DCAF5: variants seen among roughly 807,000 people sequenced by gnomAD.
The protein encoded by DCAF5 is DDB1 and CUL4 associated factor 5.
In DCAF5, 9 loss-of-function variants were observed where a neutral mutation model predicts 80.7. The observed-to-expected ratio is 0.11, with a 90% CI of 0.07 to 0.19. The LOEUF is 0.19. DCAF5 is among the 10% of genes least tolerant of loss of function. The pLI is 1.00. For missense variants in DCAF5, 842 were observed against 1,205.7 expected, an observed-to-expected ratio of 0.70 and a Z score of 4.47; for synonymous variants, 433 against 461.9, an observed-to-expected ratio of 0.94 and a Z score of 0.80.
At chr14:69,106,377 T>G (rs1402127490) in intron 5 of DCAF5, among the ~76,000 whole-genome samples, 1 of 151,452 alleles carries the variant, frequency 6.6e-6, no homozygotes, top group Non-Finnish European at 1.5e-5. Flanking sequence ...TAAATTTTTA[T>G]TTATTTTTAG....
In DCAF5 at chr14:69,137,256, G is replaced by A. The variant is rs145620983; in HGVS notation, c.215-14896C>T. Among the ~76,000 whole-genome samples the A allele has an allele frequency of 7.9e-3, 1,206 of 152,164 alleles. 13 individuals are homozygous for A. Among genetic ancestry groups the A allele is most frequent in the African/African-American group, 0.027 (1,114 of 41,522 alleles). ...GGGGGACACTAAAAACGGGTTCTTA[G>A]GCCCTCAAAACCAGTAAGGAAAGTT... On this transcript the variant is annotated intron_variant, in intron 1 of 8. Coordinates refer to ENST00000341516, the MANE Select transcript of DCAF5 (RefSeq NM_003861.3).
chr14:69,119,146 A>T, intron 3 of DCAF5, 48 bp downstream of exon 3: 1 of 1,593,214 alleles, frequency 6.3e-7, no homozygotes, highest in Non-Finnish European at 8.5e-7. Context: ...GCCTCTTCAT[A>T]TATGAAAAAC....
intron 1 of DCAF5, among the ~76,000 whole-genome samples, chr14:69,125,067 T>G (rs2040834192): frequency 6.6e-6 from 1 of 151,990 alleles, no homozygotes; most frequent in Non-Finnish European, 1.5e-5. Flanking sequence ...TACAAAAGAG[T>G]AATATGCCAA....
At chr14:69,102,307 C>T (rs1411390032) in intron 5 of DCAF5, among the ~76,000 whole-genome samples, 1 of 151,762 alleles carries the variant, frequency 6.6e-6, no homozygotes, top group Non-Finnish European at 1.5e-5. Context: ...TAGGGTTTCA[C>T]CATGTTGGCC....
At chr14:69,150,517 T>C (rs1238495435) in intron 1 of DCAF5, among the ~76,000 whole-genome samples, 1 of 152,104 alleles carries the variant, frequency 6.6e-6, no homozygotes, top group Non-Finnish European at 1.5e-5. Flanking sequence ...TAAAGAACAT[T>C]TCGTGCTTTT....
intron 5 of DCAF5, among the ~76,000 whole-genome samples, chr14:69,106,357 A>G (rs2140021944): frequency 6.6e-6 from 1 of 151,352 alleles, no homozygotes; most frequent in African/African-American, 2.4e-5. Context: ...TGCCCACCTT[A>G]ACTGTTTTTT....
chr14:69,055,260 A>T lies in DCAF5; in HGVS notation c.1426T>A (p.Ser476Thr). The change falls in exon 9 of 9, where the codon TCT becomes ACT. Residue 476 changes from serine to threonine, a missense_variant. Physicochemically the swap from Ser to Thr is moderately conservative, Grantham distance 58 (BLOSUM62 1). Around this residue, in one of 5 missense-constraint regions of DCAF5, gnomAD observed 607 missense variants for 656.6 expected, o/e 0.92. Coordinates refer to ENST00000341516, the MANE Select transcript of DCAF5 (RefSeq NM_003861.3). The surrounding 1 kb of genome is among the most constrained non-coding windows in gnomAD (Gnocchi z 5.6). ...PRSPPPTVDESADNAFHLGPL... is the reference protein window; with the variant it reads ...PRSPPPTVDETADNAFHLGPL... ...CCCAGGTGGAAGGCGTTGTCGGCAG[A>T]CTCATCTACTGTGGGAGGCGGGGAG... is the stretch of plus-strand genomic sequence containing the variant. 1 of 1,614,048 alleles carries T rather than the reference A, an allele frequency of 6.2e-7. No homozygotes were observed. The highest frequency in any genetic ancestry group is 1.6e-4 in the Middle Eastern group (1 of 6,062).
Position 69,152,509 on chromosome 14 carries a change from G to A in DCAF5, c.214+256C>T. 3.9e-6 allele frequency: 2 copies of A among 511,322 alleles called. No individual in the cohort carries two copies. The highest frequency in any genetic ancestry group is 2.2e-5 in the South Asian group (1 of 44,890). The allele number at this position is 511,322 out of a possible 1,614,324, so 31.7% of individuals were successfully genotyped here. ...CCTACACTTTCAGGGCAGGCATCAG[G>A]AGAGATCACTTTGCACTTGGGATAA... On this transcript the variant is annotated intron_variant, in intron 1 of 8. Transcript: ENST00000341516. The surrounding 1 kb of genome is among the most constrained non-coding windows in gnomAD (Gnocchi z 4.1).
At chr14:69,102,634 C>T (rs971122273) in intron 5 of DCAF5, among the ~76,000 whole-genome samples, 4 of 80,248 alleles carry the variant, frequency 5.0e-5, no homozygotes, top group African/African-American at 1.4e-4. Context: ...TAGCCTAGAC[C>T]TACACAGGGT....
rs982868639 is a variant in DCAF5, at chr14:69,130,968, T to C, written c.215-8608A>G. On this transcript the variant is annotated intron_variant, in intron 1 of 8. Coordinates refer to ENST00000341516, the MANE Select transcript of DCAF5 (RefSeq NM_003861.3). Reference sequence around the variant, plus strand: ...CCAACTATTTCCCAGGTTTGTTGTGTGTGGTGAGATAATGTTTGTAAAAGC... The same window carrying C: ...CCAACTATTTCCCAGGTTTGTTGTGCGTGGTGAGATAATGTTTGTAAAAGC... Among the ~76,000 whole-genome samples, 21 of 152,348 alleles carry C rather than the reference T, an allele frequency of 1.4e-4. No homozygotes were observed. In the East Asian group the frequency reaches 3.5e-3, roughly 25 times the overall value.
rs535628559 is a variant in DCAF5 at position 69,065,652 on chromosome 14, T to C, written c.947-3141A>G. On this transcript the variant is annotated intron_variant, in intron 7 of 8. Transcript: ENST00000341516. ...TTCCCAGGTTTGATATTATTGAATA[T>C]AGCTGCTACTGAACAGTTTACGTAC... 1.3e-4 allele frequency among the ~76,000 whole-genome samples: 20 copies of C among 152,370 alleles called. No individual in the cohort carries two copies. The South Asian group carries it at 3.7e-3, about 28-fold the overall frequency.
intron 1 of DCAF5, among the ~76,000 whole-genome samples, chr14:69,145,117 A>G (rs2041500360): frequency 6.6e-6 from 1 of 152,162 alleles, no homozygotes; most frequent in African/African-American, 2.4e-5. Flanking sequence ...TTCCAGGCTC[A>G]AGCAATCCTC....
chr14:69,066,137 G>GT (rs1212937696), intron 7 of DCAF5, among the ~76,000 whole-genome samples: 2,627 of 141,352 alleles, frequency 0.019, 25 homozygotes, highest in African/African-American at 0.034. Context: ...TGCTGACACT[G>GT]TTTTTTTTTT....
chr14:69,054,797 G>C lies in DCAF5; in HGVS notation c.1889C>G (p.Thr630Ser). 1.9e-6 allele frequency: 3 copies of C among 1,614,268 alleles called. No homozygotes were observed. The highest frequency in any genetic ancestry group is 2.5e-6 in the Non-Finnish European group (3 of 1,180,048). The change falls in exon 9 of 9, where the codon ACC becomes AGC. Residue 630 changes from threonine to serine, a missense_variant. Thr to Ser is a moderately conservative substitution (Grantham distance 58). Coordinates refer to ENST00000341516, the MANE Select transcript of DCAF5 (RefSeq NM_003861.3). The stretch of plus-strand genomic sequence containing the variant: ...GGAAGTGCTCCGCTCAGGGGACGAG[G>C]TTGGGGAGGAGGAGAGGTCATCCAC... ...IKVDDLSSSP[T>S]SSPERSTSTL... is the part of the protein sequence containing the mutation.
chr14:69,122,763 A>G (rs1367675266), intron 1 of DCAF5, among the ~76,000 whole-genome samples: 2 of 152,186 alleles, frequency 1.3e-5, no homozygotes, highest in African/African-American at 2.4e-5. Flanking sequence ...AAAGAACTTT[A>G]AAGTAATATT....
chr14:69,099,422 G>A (rs2039873255), intron 5 of DCAF5, among the ~76,000 whole-genome samples: 1 of 151,900 alleles, frequency 6.6e-6, no homozygotes, highest in Non-Finnish European at 1.5e-5. Flanking sequence ...ACAATAGTAA[G>A]CTTGGAGAGC....
intron 7 of DCAF5, among the ~76,000 whole-genome samples, chr14:69,070,073 T>A (rs749531140): frequency 6.6e-6 from 1 of 152,180 alleles, no homozygotes; most frequent in East Asian, 1.9e-4. Context: ...AAGCCCCCAG[T>A]TGGAAGATAA....
intron 6 of DCAF5, among the ~76,000 whole-genome samples, chr14:69,082,966 T>C (rs752541984): frequency 6.6e-6 from 1 of 152,208 alleles, no homozygotes; most frequent in Non-Finnish European, 1.5e-5. Context: ...TGCCATGTCC[T>C]GTCACCAGAT....
At chr14:69,144,440 C>T (rs894728394) in intron 1 of DCAF5, among the ~76,000 whole-genome samples, 5 of 151,706 alleles carry the variant, frequency 3.3e-5, no homozygotes, top group Admixed American at 2.6e-4. Flanking sequence ...GGCGTGGTGG[C>T]GGGTGCCTGT....
Sources: allele counts gnomAD v4.1 joint callset (sites outside exome capture counted in the v4.1 genomes callset), GRCh38; gene constraint gnomAD v4.1.1; regional missense constraint gnomAD v4.1.1; non-coding constraint Gnocchi (gnomAD v3.1); transcripts MANE v1.5; gene names NCBI Gene and HGNC (gene_info 2026-07-23, HGNC 2026-07-21).